TENM2: variants seen among roughly 807,000 people sequenced by gnomAD.
The protein encoded by TENM2 is teneurin transmembrane protein 2, also known as teneurin-2.
A neutral mutation model predicts 245.2 loss-of-function variants in TENM2; 52 were observed. That is an observed-to-expected ratio of 0.21 (90% CI 0.17 to 0.27). TENM2 has a LOEUF of 0.27. TENM2 is among the 10% of genes least tolerant of loss of function. The pLI is 1.00. For synonymous variants in TENM2, 1,363 were observed against 1,438.9 expected (o/e 0.95, Z 1.19); for missense variants, 3,046 against 3,666.8 (o/e 0.83, Z 4.37).
chr5:167,896,491 C>A (rs1775236848), intron 3 of TENM2, among the ~76,000 whole-genome samples: 1 of 152,198 alleles, frequency 6.6e-6, no homozygotes, highest in African/African-American at 2.4e-5. Context: ...ATTCTTCAGG[C>A]ATGCATTCCT....
chr5:167,342,589 G>T (rs1264417395), intron 1 of TENM2, among the ~76,000 whole-genome samples: 2 of 132,668 alleles, frequency 1.5e-5, no homozygotes, highest in South Asian at 2.5e-4. Flanking sequence ...CTGCAGTGGC[G>T]CAATCTCGGC....
At chr5:168,203,470 AC>A (rs1762092362) in intron 17 of TENM2, among the ~76,000 whole-genome samples, 1 of 152,148 alleles carries the variant, frequency 6.6e-6, no homozygotes, top group Admixed American at 6.5e-5. Flanking sequence ...ACAGAGTACT[AC>A]TGTGTAAAGT....
At chr5:167,520,684 G>T (rs866116172) in intron 2 of TENM2, among the ~76,000 whole-genome samples, 5 of 152,038 alleles carry the variant, frequency 3.3e-5, no homozygotes, top group Non-Finnish European at 5.9e-5. Context: ...TGTGAAGTGT[G>T]TGGCTTGCCT....
chr5:167,161,384 A>C, the TENM2 span, among the ~76,000 whole-genome samples: 1 of 152,324 alleles, frequency 6.6e-6, no homozygotes, highest in Middle Eastern at 3.4e-3. Flanking sequence ...GTATCTTTTA[A>C]AAGTTTTATG....
chr5:167,884,425 T>TG (rs1292050618), intron 3 of TENM2, among the ~76,000 whole-genome samples: 1 of 152,208 alleles, frequency 6.6e-6, no homozygotes, highest in Non-Finnish European at 1.5e-5. Context: ...CCTCAGCCCC[T>TG]GGCAACCACT....
intron 1 of TENM2, among the ~76,000 whole-genome samples, chr5:167,317,389 T>C (rs1756429444): frequency 1.3e-5 from 2 of 152,122 alleles, no homozygotes; most frequent in South Asian, 4.2e-4. Flanking sequence ...CATCCTACCA[T>C]AGAATGGAGA....
rs967985336 is a variant in TENM2 at position 167,687,824 on chromosome 5, T to C, written c.503-188162T>C. Among the ~76,000 whole-genome samples the C allele has an allele frequency of 3.9e-5, 6 of 152,088 alleles. No individual in the cohort carries two copies. The East Asian group carries it at 1.2e-3, about 29-fold the overall frequency. On this transcript the variant is annotated intron_variant, in intron 2 of 28. Transcript: ENST00000518659. ...CATTTTTGTATGTGTGAGAAAACAT[T>C]AGAATAAACAAATAAGCCAAGAAAA...
chr5:167,134,140 A>G, the TENM2 span, among the ~76,000 whole-genome samples: 1 of 152,226 alleles, frequency 6.6e-6, no homozygotes, highest in African/African-American at 2.4e-5. Context: ...ATGTTTCAAA[A>G]GAAACAGCAG....
At chr5:167,961,029 C>G (rs1561985198) in intron 4 of TENM2, among the ~76,000 whole-genome samples, 2 of 152,172 alleles carry the variant, frequency 1.3e-5, no homozygotes, top group African/African-American at 4.8e-5. Flanking sequence ...TGGGCTGTAC[C>G]CACTGTCTAA....
intron 4 of TENM2, among the ~76,000 whole-genome samples, chr5:167,959,700 G>A (rs553399651): frequency 3.9e-5 from 6 of 152,200 alleles, no homozygotes; most frequent in Middle Eastern, 3.4e-3. Flanking sequence ...ACCTACTTTT[G>A]TCAATTCATC....
At chr5:167,324,247 T>G (rs1196299246) in intron 1 of TENM2, among the ~76,000 whole-genome samples, 1 of 152,132 alleles carries the variant, frequency 6.6e-6, no homozygotes, top group Non-Finnish European at 1.5e-5. Flanking sequence ...GTTACACAAG[T>G]CATTTTTGAG....
chr5:167,878,885 A>G (rs1773653465), intron 3 of TENM2, among the ~76,000 whole-genome samples: 1 of 152,156 alleles, frequency 6.6e-6, no homozygotes, highest in Non-Finnish European at 1.5e-5. Context: ...TCTCTTGGCA[A>G]TAACCCTGTG....
At chr5:167,050,001 G>A in the TENM2 span, among the ~76,000 whole-genome samples, 2 of 152,186 alleles carry the variant, frequency 1.3e-5, no homozygotes, top group Non-Finnish European at 2.9e-5. Flanking sequence ...TGAGTCAAAG[G>A]TGGAGTTGAG....
At chr5:167,264,322 C>T in the TENM2 span, among the ~76,000 whole-genome samples, 1 of 152,150 alleles carries the variant, frequency 6.6e-6, no homozygotes, top group African/African-American at 2.4e-5. Flanking sequence ...TGATACTGCT[C>T]ACCCTGGTGG....
At chr5:167,265,331 CAAAAAAAAA>C in the TENM2 span, among the ~76,000 whole-genome samples, 8 of 39,394 alleles carry the variant, frequency 2.0e-4, no homozygotes, top group South Asian at 9.7e-4. Flanking sequence ...GACTCTGTCT[CAAAAAAAAA>C]AAAAAAAAAA....
intron 1 of TENM2, among the ~76,000 whole-genome samples, chr5:167,355,982 A>T (rs1759289403): frequency 6.6e-6 from 1 of 151,300 alleles, no homozygotes; most frequent in African/African-American, 2.4e-5. Context: ...CAGGAGTTCA[A>T]GACCACCCTG....
Position 167,729,507 on chromosome 5 carries a change from A to G in TENM2, c.503-146479A>G, listed in dbSNP as rs370282421. Among the ~76,000 whole-genome samples the G allele has an allele frequency of 1.4e-4, 22 of 152,314 alleles. No homozygotes were observed. The East Asian group carries it at 2.1e-3, about 15-fold the overall frequency. On this transcript the variant is annotated intron_variant, in intron 2 of 28. Transcript: ENST00000518659. ...TGCAAAATGACCATTTTTATTAAAAATTATGGAAGCATGCTGGCTGTTTAA... is the reference window on the plus strand; with the variant it reads ...TGCAAAATGACCATTTTTATTAAAAGTTATGGAAGCATGCTGGCTGTTTAA...
chr5:167,173,459 G>T, the TENM2 span, among the ~76,000 whole-genome samples: 1 of 152,144 alleles, frequency 6.6e-6, no homozygotes, highest in South Asian at 2.1e-4. Flanking sequence ...TAATTGGAAG[G>T]CTCCTCTGGG....
At chr5:168,191,810 C>T (rs907175153) in intron 14 of TENM2, among the ~76,000 whole-genome samples, 5 of 152,052 alleles carry the variant, frequency 3.3e-5, no homozygotes, top group South Asian at 2.1e-4. Context: ...GGTCCCCAAC[C>T]GAGACAGCCC....
Sources: allele counts gnomAD v4.1 joint callset (sites outside exome capture counted in the v4.1 genomes callset), GRCh38; gene constraint gnomAD v4.1.1; transcripts MANE v1.5; gene names NCBI Gene and HGNC (gene_info 2026-07-23, HGNC 2026-07-21).